STAC: variants seen among roughly 807,000 people sequenced by gnomAD.
The protein encoded by STAC is SH3 and cysteine rich domain, also known as SH3 and cysteine-rich domain-containing protein.
A neutral mutation model predicts 48.8 loss-of-function variants in STAC; 43 were observed. The ratio of observed to expected loss-of-function variants is 0.88; its 90% CI spans 0.69 to 1.14. The LOEUF is 1.14. Ranked by LOEUF, STAC falls within the 50% of genes most tolerant of loss-of-function variation. STAC has a pLI of 0.00. For synonymous variants in STAC, 193 were observed against 179.5 expected, an observed-to-expected ratio of 1.07 and a Z score of -0.60; for missense variants, 497 against 504.0, an observed-to-expected ratio of 0.99 and a Z score of 0.13.
intron 1 of STAC, among the ~76,000 whole-genome samples, chr3:36,396,431 G>C (rs1048132478): frequency 2.0e-5 from 3 of 152,038 alleles, no homozygotes; most frequent in Non-Finnish European, 2.9e-5. Flanking sequence ...ATAATTTTCT[G>C]ATAACACATT....
At chr3:36,417,066 G>A (rs1700335945) in intron 1 of STAC, among the ~76,000 whole-genome samples, 1 of 152,036 alleles carries the variant, frequency 6.6e-6, no homozygotes, top group African/African-American at 2.4e-5. Flanking sequence ...TGCCCCCCAT[G>A]GCACCAGGCA....
chr3:36,515,644 A>C (rs1407660691), intron 8 of STAC, among the ~76,000 whole-genome samples: 5 of 152,106 alleles, frequency 3.3e-5, no homozygotes, highest in South Asian at 4.1e-4. Context: ...TTCAGCAGTA[A>C]ATCTGCATTT....
chr3:36,525,046 A>G (rs1698900170), intron 8 of STAC, among the ~76,000 whole-genome samples: 1 of 152,148 alleles, frequency 6.6e-6, no homozygotes, highest in Non-Finnish European at 1.5e-5. Context: ...TGATATGTTT[A>G]TTATTAGTAT....
chr3:36,453,049 C>G (rs758682315), intron 2 of STAC, among the ~76,000 whole-genome samples: 3 of 152,232 alleles, frequency 2.0e-5, no homozygotes, highest in African/African-American at 7.2e-5. Flanking sequence ...ATTTTGGGTA[C>G]CAGTTTGTGG....
At chr3:36,523,135 A>G (rs1165840690) in intron 8 of STAC, among the ~76,000 whole-genome samples, 3 of 152,196 alleles carry the variant, frequency 2.0e-5, no homozygotes, top group African/African-American at 7.2e-5. Context: ...GTACACACAC[A>G]CTCAAAATTA....
chr3:36,505,593 T>C (rs1698383586), intron 7 of STAC, among the ~76,000 whole-genome samples, 153 bp from the exon 8 acceptor site: 1 of 152,200 alleles, frequency 6.6e-6, no homozygotes, highest in Admixed American at 6.6e-5. Context: ...AAATGCAAAG[T>C]TGACAGAAAA....
intron 1 of STAC, among the ~76,000 whole-genome samples, chr3:36,382,913 T>A (rs1476864522): frequency 6.6e-6 from 1 of 152,226 alleles, no homozygotes; most frequent in African/African-American, 2.4e-5. Flanking sequence ...CATGAAGTGG[T>A]CTTGTTTGTA....
chr3:36,393,552 T>A (rs183588393), intron 1 of STAC, among the ~76,000 whole-genome samples: 8 of 151,816 alleles, frequency 5.3e-5, no homozygotes, highest in African/African-American at 1.9e-4. Context: ...ATGTTGAAAC[T>A]CTAATCTCCA....
intron 2 of STAC, among the ~76,000 whole-genome samples, chr3:36,481,739 G>C (rs1228130722): frequency 6.6e-6 from 1 of 152,186 alleles, no homozygotes; most frequent in East Asian, 1.9e-4. Context: ...TTGGAGTGCA[G>C]GCCTTGTTCA....
At chr3:36,544,594 C>A (rs1699403233) in intron 10 of STAC, among the ~76,000 whole-genome samples, 1 of 152,092 alleles carries the variant, frequency 6.6e-6, no homozygotes. Context: ...CCCTTTGTAT[C>A]ACCTAGGTCA....
intron 2 of STAC, among the ~76,000 whole-genome samples, chr3:36,457,726 C>T (rs75178142): frequency 0.01 from 1,578 of 152,174 alleles, 24 homozygotes; most frequent in African/African-American, 0.035. Flanking sequence ...CCCAGATGGT[C>T]GTGAGAAAAT....
At chr3:36,400,525 G>A (rs1004573796) in intron 1 of STAC, among the ~76,000 whole-genome samples, 1 of 152,170 alleles carries the variant, frequency 6.6e-6, no homozygotes, top group Admixed American at 6.5e-5. Context: ...AGACCTATAC[G>A]CTGGGTTGGG....
intron 2 of STAC, among the ~76,000 whole-genome samples, chr3:36,478,888 C>G (rs931810264): frequency 5.3e-5 from 8 of 152,194 alleles, no homozygotes; most frequent in African/African-American, 1.9e-4. Flanking sequence ...CTTGGCCTCC[C>G]AAAGTCCTGG....
chr3:36,442,797 C>CTG (rs1696388202), intron 1 of STAC, among the ~76,000 whole-genome samples: 1 of 102,508 alleles, frequency 9.8e-6, no homozygotes, highest in African/African-American at 3.6e-5. Flanking sequence ...CACACACACA[C>CTG]ACACAGAGGT....
intron 6 of STAC, among the ~76,000 whole-genome samples, chr3:36,501,336 AAAGAC>A (rs1411167542): frequency 6.6e-5 from 10 of 152,178 alleles, no homozygotes; most frequent in African/African-American, 1.9e-4. Flanking sequence ...AGGCAATAAT[AAAGAC>A]AAGAGCAGAA....
intron 1 of STAC, among the ~76,000 whole-genome samples, chr3:36,431,613 A>G (rs1352421546): frequency 1.3e-5 from 2 of 152,210 alleles, no homozygotes; most frequent in African/African-American, 4.8e-5. Context: ...TCTCCCTGAA[A>G]AGGAGGCCTC....
chr3:36,386,140 T>C (rs1699610710), intron 1 of STAC, among the ~76,000 whole-genome samples: 1 of 152,046 alleles, frequency 6.6e-6, no homozygotes. Context: ...GCTACCATCG[T>C]TTCATATTAT....
At chr3:36,505,708 C>A in intron 7 of STAC, 38 bp from the exon 8 acceptor site, 2 of 1,370,522 alleles carry the variant, frequency 1.5e-6, no homozygotes, top group Non-Finnish European at 2.0e-6. Flanking sequence ...ATTTATTTCA[C>A]CTTTCTTTTC....
chr3:36,422,721 T>C (rs1256752749), intron 1 of STAC, among the ~76,000 whole-genome samples: 1 of 152,136 alleles, frequency 6.6e-6, no homozygotes, highest in Non-Finnish European at 1.5e-5. Context: ...AAATTAAAAG[T>C]TTTTTTAAGT....
Sources: allele counts gnomAD v4.1 joint callset (sites outside exome capture counted in the v4.1 genomes callset), GRCh38; gene constraint gnomAD v4.1.1; transcripts MANE v1.5; gene names NCBI Gene and HGNC (gene_info 2026-07-23, HGNC 2026-07-21).